The following SLC19A1 variants were observed in gnomAD, a reference collection of about 807,000 sequenced individuals.
The protein encoded by SLC19A1 is solute carrier family 19 member 1.
A neutral mutation model predicts 35.3 loss-of-function variants in SLC19A1; 37 were observed. The observed-to-expected ratio is 1.05, with a 90% confidence interval of 0.81 to 1.38. The LOEUF is 1.38. Ranked by LOEUF, SLC19A1 falls within the 40% of genes most tolerant of loss-of-function variation. The pLI is 0.00. For synonymous variants in SLC19A1, 460 were observed against 398.5 expected, an observed-to-expected ratio of 1.15 and a Z score of -1.84; for missense variants, 831 against 826.9, an observed-to-expected ratio of 1.00 and a Z score of -0.06.
chr21:45,503,775 TTAAAG>T (rs1396908568), intron 3 of SLC19A1, among the ~76,000 whole-genome samples: 2 of 151,354 alleles, frequency 1.3e-5, no homozygotes, highest in Non-Finnish European at 2.9e-5. Context: ...ACCCTAAAAC[TTAAAG>T]TATAATAATA....
chr21:45,562,842 G>GCA, exon 1 of SLC19A1, among the ~76,000 whole-genome samples: 1 of 151,972 alleles, frequency 6.6e-6, no homozygotes, highest in African/African-American at 2.4e-5. Context: ...AACAGTCCAT[G>GCA]GAAGATCCTC....
chr21:45,540,840 G>A lies in SLC19A1; in HGVS notation c.-50+1528C>T, dbSNP rs1055490156. ...GTTGTAACAGCCCCTGCAAATCCCC[G>A]GCCCCACTGTCCACAGTGACCAGCC... On this transcript the variant is annotated intron_variant, in intron 1 of 5. Transcript: ENST00000311124. This position sits in a 1 kb window ranked among gnomAD's most constrained non-coding sequence, Gnocchi z 5.5. Among the ~76,000 whole-genome samples, 6 of 152,132 alleles carry A rather than the reference G, an allele frequency of 3.9e-5. No individual in the cohort carries two copies. Among genetic ancestry groups the A allele is most frequent in the Admixed American group, 2.0e-4 (3 of 15,266 alleles).
intron 5 of SLC19A1, among the ~76,000 whole-genome samples, chr21:45,524,135 C>T (rs1478894285): frequency 6.8e-6 from 1 of 147,814 alleles, no homozygotes; most frequent in Non-Finnish European, 1.5e-5. Flanking sequence ...ACTCACCTGC[C>T]CTAAGCGTTC....
chr21:45,550,911 C>T (rs1431130649), intron 1 of SLC19A1, among the ~76,000 whole-genome samples: 1 of 19,448 alleles, frequency 5.1e-5, no homozygotes, highest in Non-Finnish European at 7.5e-5. Flanking sequence ...CCACCGCCCC[C>T]CACCCTCCCC....
intron 1 of SLC19A1, among the ~76,000 whole-genome samples, chr21:45,561,409 C>T (rs1175606431): frequency 3.9e-5 from 6 of 152,176 alleles, no homozygotes; most frequent in Non-Finnish European, 5.9e-5. Flanking sequence ...GAGCGTCTCC[C>T]GGTGTTCCCA....
chr21:45,525,172 GAGACCTGGGCCCCAGGTGGACAA>G (rs1464712673), intron 5 of SLC19A1, among the ~76,000 whole-genome samples: 1 of 152,188 alleles, frequency 6.6e-6, no homozygotes, highest in Non-Finnish European at 1.5e-5. Context: ...CCTGCCCAGT[GAGACCTGGGCCCCAGGTGGACAA>G]AGCCCTTGTC....
chr21:45,542,169 G>A (rs7509787), intron 1 of SLC19A1, among the ~76,000 whole-genome samples, 199 bp downstream of exon 1: 1 of 41,802 alleles, frequency 2.4e-5, no homozygotes, highest in Non-Finnish European at 4.5e-5. Context: ...CCAGGGCCCC[G>A]CGGACCCCAG....
In SLC19A1 at chr21:45,515,240, AGGGTCC is replaced by A; in HGVS notation, c.*412_*417del. ...CAATGTCACAGCTCAGCTACACCTG[AGGGTCC>A]CGGCTCCCACCCTGCCCTAGAGGGC... On this transcript the variant is annotated 3_prime_UTR_variant, in exon 6 of 6. Transcript: ENST00000311124. 2.0e-6 allele frequency: 3 copies of A among 1,503,740 alleles called. No individual in the cohort carries two copies. Among genetic ancestry groups the A allele is most frequent in the Non-Finnish European group, 2.6e-6 (3 of 1,138,134 alleles). 93.1% of individuals were successfully genotyped at this position (1,503,740 alleles called of 1,614,324 possible).
chr21:45,540,038 G>A lies in SLC19A1; in HGVS notation c.-49-2030C>T, dbSNP rs968938816. On this transcript the variant is annotated intron_variant, in intron 1 of 5. Coordinates refer to ENST00000311124, the MANE Select transcript of SLC19A1 (RefSeq NM_194255.4). The surrounding 1 kb of genome is among the most constrained non-coding windows in gnomAD (Gnocchi z 5.5). ...ACTGCCAGGCCGAGGCAGATCTGAC[G>A]GTCGCCTGCCTCGGCCTCACCTTCC... is the stretch of plus-strand genomic sequence containing the variant. Among the ~76,000 whole-genome samples the A allele has an allele frequency of 2.6e-4, 39 of 152,162 alleles. 1 individual carries two copies. The highest frequency in any genetic ancestry group is 2.2e-3 in the Admixed American group (34 of 15,284).
downstream of SLC19A1, among the ~76,000 whole-genome samples, chr21:45,511,698 A>G (rs2037618549): frequency 6.6e-6 from 1 of 151,476 alleles, no homozygotes; most frequent in African/African-American, 2.4e-5. Context: ...TTCTTCCAAC[A>G]CTCATGCATT....
At chr21:45,512,220 C>T, downstream of SLC19A1, 1 of 1,612,500 alleles carries the variant, frequency 6.2e-7, no homozygotes, top group Non-Finnish European at 8.5e-7. Context: ...GGCTCGGACC[C>T]CAACGGGCGC....
chr21:45,555,158 G>GGT lies in SLC19A1; in HGVS notation c.-50+7583_-50+7584insAC, dbSNP rs1569031732. Among the ~76,000 whole-genome samples the GGT allele has an allele frequency of 8.9e-4, 68 of 76,814 alleles. 3 individuals are homozygous for GGT. Among genetic ancestry groups the GGT allele is most frequent in the East Asian group, 4.4e-3 (9 of 2,042 alleles). 50.4% of individuals were successfully genotyped at this position (76,814 alleles called of 152,430 possible). ...CGACGCAGGGGGCGGTGCAGGGGGCGGCGGGGGCGGCGCAGGGGGCGGTGC... is the reference window on the plus strand; with the variant it reads ...CGACGCAGGGGGCGGTGCAGGGGGCGGTGCGGGGGCGGCGCAGGGGGCGGTGC... On this transcript the variant is annotated intron_variant, in intron 1 of 5. Transcript: ENST00000650808.
chr21:45,512,777 C>G lies in SLC19A1; in HGVS notation c.*2881G>C. The G allele has an allele frequency of 2.8e-6, 1 of 354,074 alleles. No homozygotes were observed. The highest frequency in any genetic ancestry group is 2.4e-5 in the South Asian group (1 of 42,026). The allele number at this position is 354,074 out of a possible 1,614,324, so 21.9% of individuals were successfully genotyped here. A position where few individuals can be genotyped will look rare whatever the true frequency, so the allele number is the denominator to read the frequency against. On this transcript the variant is annotated 3_prime_UTR_variant, in exon 6 of 6. Coordinates refer to ENST00000311124, the MANE Select transcript of SLC19A1 (RefSeq NM_194255.4). ...AGCAGGTGCTGACTTCATCTCCCAC[C>G]TAGCAGCACCGTTCTGTGCACAAAA... is the stretch of plus-strand genomic sequence containing the variant.
Position 45,536,946 on chromosome 21 carries a change from G to A in SLC19A1, c.189+825C>T, listed in dbSNP as rs983931164. On this transcript the variant is annotated intron_variant, in intron 2 of 5. Transcript: ENST00000311124. ...GGAGGAAACTGCTTCGGATACGGCC[G>A]CTCCCGCCTCCACCGCTCATGTGAC... Among the ~76,000 whole-genome samples, 116 of 152,284 alleles carry A rather than the reference G, an allele frequency of 7.6e-4. 1 individual carries two copies. Among genetic ancestry groups the A allele is most frequent in the African/African-American group, 2.7e-3 (114 of 41,560 alleles).
intron 1 of SLC19A1, among the ~76,000 whole-genome samples, chr21:45,538,289 A>G (rs2078199137): frequency 6.6e-6 from 1 of 152,230 alleles, no homozygotes; most frequent in South Asian, 2.1e-4. Context: ...TGCCAATCAA[A>G]ACCAAGTTAA....
intron 3 of SLC19A1, chr21:45,506,082 G>A: frequency 6.6e-7 from 1 of 1,515,368 alleles, no homozygotes; most frequent in East Asian, 2.3e-5. Context: ...GTGGCAGCCA[G>A]CGCTTCTTAA....
At chr21:45,538,481 C>T (rs114467868) in intron 1 of SLC19A1, among the ~76,000 whole-genome samples, 176 of 152,318 alleles carry the variant, frequency 1.2e-3, no homozygotes, top group African/African-American at 4.1e-3. Flanking sequence ...CCAGGGAGGG[C>T]ACAGGCAGGA....
At chr21:45,529,620 C>CGTGT (rs10644910) in intron 4 of SLC19A1, among the ~76,000 whole-genome samples, 144,749 of 151,610 alleles carry the variant, frequency 0.95, 69,149 homozygotes, top group East Asian at 1. Context: ...CATGTGTGAA[C>CGTGT]GTGTCCATGT....
intron 5 of SLC19A1, among the ~76,000 whole-genome samples, chr21:45,522,432 C>T (rs2077464931): frequency 6.6e-6 from 1 of 152,194 alleles, no homozygotes; most frequent in African/African-American, 2.4e-5. Context: ...GGGCTGCTTC[C>T]CTGCTTCTTT....
Sources: allele counts gnomAD v4.1 joint callset (sites outside exome capture counted in the v4.1 genomes callset), GRCh38; gene constraint gnomAD v4.1.1; non-coding constraint Gnocchi (gnomAD v3.1); transcripts MANE v1.5; gene names NCBI Gene and HGNC (gene_info 2026-07-23, HGNC 2026-07-21).